The following SPAG9 variants were observed in gnomAD, a reference collection of about 807,000 sequenced individuals.
SPAG9 encodes the protein sperm associated antigen 9, also known as C-Jun-amino-terminal kinase-interacting protein 4.
Under a neutral mutation model 166.5 loss-of-function variants are expected in SPAG9, and 35 were observed. The ratio of observed to expected loss-of-function variants is 0.21; its 90% CI spans 0.16 to 0.28. The LOEUF (loss-of-function observed/expected upper bound fraction) is 0.28, where lower values mean the gene tolerates loss of function less well. SPAG9 is among the 10% of genes least tolerant of loss of function. SPAG9 has a pLI of 1.00. For missense variants in SPAG9, 1,235 were observed against 1,603.3 expected (o/e 0.77, Z 3.92); for synonymous variants, 534 against 565.5 (o/e 0.94, Z 0.79).
intron 8 of SPAG9, 182 bp from the exon 9 acceptor site, chr17:51,014,535 A>T: frequency 2.0e-6 from 1 of 495,472 alleles, no homozygotes; most frequent in Non-Finnish European, 3.5e-6. Context: ...AGCTCCATGG[A>T]AATAGCTGGT....
At chr17:51,091,814 T>C (rs1432187342) in intron 1 of SPAG9, among the ~76,000 whole-genome samples, 6 of 148,916 alleles carry the variant, frequency 4.0e-5, no homozygotes, top group Non-Finnish European at 7.5e-5. Context: ...CTAGACACCG[T>C]TAAAAAAAAA....
chr17:50,988,255 G>A (rs948440412), intron 21 of SPAG9, among the ~76,000 whole-genome samples: 3 of 152,050 alleles, frequency 2.0e-5, no homozygotes, highest in East Asian at 1.9e-4. Flanking sequence ...CATTTATGCC[G>A]GAGGTTGCAA....
At chr17:50,974,201 T>C (rs145832811) in intron 28 of SPAG9, among the ~76,000 whole-genome samples, 1 of 152,330 alleles carries the variant, frequency 6.6e-6, no homozygotes, top group African/African-American at 2.4e-5. Context: ...GGTGGTGCTT[T>C]ATAGCTCCCA....
Position 50,990,542 on chromosome 17 carries a change from A to C in SPAG9, c.2525T>G (p.Ile842Ser). ...TTCTGCAGAACAACCAACCACTGTG[A>C]TGCCTCCTAACAGGCTGTCTGTCTC... ...SAETDSLLGG[I>S]TVVGCSAEGV... Residue 842 changes from isoleucine to serine, a missense_variant, in exon 20 of 30, where the codon ATC (isoleucine) becomes AGC (serine). By Grantham distance (142) the Ile-to-Ser change is moderately radical. Transcript: ENST00000262013. 6.2e-7 allele frequency: 1 copy of C among 1,614,212 alleles called. No homozygotes were observed. Among genetic ancestry groups the C allele is most frequent in the Admixed American group, 1.7e-5 (1 of 60,022 alleles).
intron 1 of SPAG9, among the ~76,000 whole-genome samples, chr17:51,103,342 A>G (rs1441910220): frequency 1.3e-5 from 2 of 152,198 alleles, no homozygotes; most frequent in East Asian, 3.8e-4. Flanking sequence ...GGGCAAGAGG[A>G]CTGTAAGCTG....
intron 18 of SPAG9, 130 bp from the exon 19 acceptor site, chr17:50,994,065 C>T (rs1975854740): frequency 2.3e-6 from 2 of 885,058 alleles, no homozygotes; most frequent in Non-Finnish European, 3.4e-6. Context: ...GGTAAAAATA[C>T]AACCACTGAT....
At chr17:50,966,710 T>C (rs1973389895) in intron 29 of SPAG9, among the ~76,000 whole-genome samples, 1 of 152,212 alleles carries the variant, frequency 6.6e-6, no homozygotes, top group South Asian at 2.1e-4. Context: ...GGCAATTCTG[T>C]GTTCATCCAA....
chr17:51,006,368 G>A, intron 10 of SPAG9, 131 bp from the exon 11 acceptor site: 6 of 825,360 alleles, frequency 7.3e-6, no homozygotes, highest in Non-Finnish European at 1.1e-5. Flanking sequence ...TCTACCCAAT[G>A]TTGTTTGTAG....
intron 2 of SPAG9, among the ~76,000 whole-genome samples, chr17:51,068,951 T>C (rs2047745537): frequency 6.6e-6 from 1 of 152,174 alleles, no homozygotes; most frequent in Admixed American, 6.6e-5. Flanking sequence ...GAAGTAATGT[T>C]AGTGTTTGCA....
chr17:51,077,009 G>GCTAGCTATCTAGCTAGCTAGCTAT (rs1555655257), intron 2 of SPAG9, among the ~76,000 whole-genome samples: 5 of 69,388 alleles, frequency 7.2e-5, no homozygotes, highest in Non-Finnish European at 1.7e-4. Flanking sequence ...TATCTAGCTA[G>GCTAGCTATCTAGCTAGCTAGCTAT]CTAGCTAGCT....
intron 8 of SPAG9, 31 bp downstream of exon 8, chr17:51,020,128 A>C (rs367885022): frequency 1.8e-4 from 247 of 1,380,952 alleles, no homozygotes; most frequent in Non-Finnish European, 2.5e-4. Context: ...TGGGGGGCGC[A>C]GAATATGTCT....
At chr17:51,106,093 C>T (rs1399694596) in intron 1 of SPAG9, among the ~76,000 whole-genome samples, 1 of 132,854 alleles carries the variant, frequency 7.5e-6, no homozygotes, top group African/African-American at 2.8e-5. Flanking sequence ...ACAGCAAGAC[C>T]CCCATCTCTA....
chr17:51,097,246 C>T (rs1464371855), intron 1 of SPAG9, among the ~76,000 whole-genome samples: 2 of 152,226 alleles, frequency 1.3e-5, no homozygotes, highest in South Asian at 4.1e-4. Flanking sequence ...TTTTCATCTA[C>T]ATCCTTTGTA....
intron 2 of SPAG9, among the ~76,000 whole-genome samples, chr17:51,073,236 G>A (rs1255916627): frequency 6.6e-6 from 1 of 151,984 alleles, no homozygotes; most frequent in Non-Finnish European, 1.5e-5. Flanking sequence ...GCTGAGGCAG[G>A]AGAATGGCGT....
At chr17:51,046,688 C>A (rs866080835) in intron 4 of SPAG9, 2 of 1,535,828 alleles carry the variant, frequency 1.3e-6, no homozygotes, top group African/African-American at 2.7e-5. Flanking sequence ...GTGAAACACC[C>A]GAACCAAGGA....
At chr17:51,115,974 CA>C (rs1461195613) in intron 1 of SPAG9, among the ~76,000 whole-genome samples, 2 of 152,198 alleles carry the variant, frequency 1.3e-5, no homozygotes, top group Non-Finnish European at 2.9e-5. Flanking sequence ...AAAAGACCCA[CA>C]GAATCACTAA....
At chr17:51,047,170 T>C (rs558688471) in intron 4 of SPAG9, among the ~76,000 whole-genome samples, 2 of 152,240 alleles carry the variant, frequency 1.3e-5, no homozygotes, top group Non-Finnish European at 2.9e-5. Context: ...GTGCTGCTTA[T>C]ATGGATGGCT....
chr17:51,120,715 C>T lies in SPAG9; in HGVS notation c.-59G>A. On this transcript the variant is annotated 5_prime_UTR_variant, in exon 1 of 30. Coordinates refer to ENST00000262013, the MANE Select transcript of SPAG9 (RefSeq NM_001130528.3). The surrounding 1 kb of genome is among the most constrained non-coding windows in gnomAD (Gnocchi z 4.7). Reference sequence around the variant, plus strand: ...TCGCCGGCAGAGGGGCGGCACCTGCCCGCACGGGACGGACCCGACTCGGGC... The same window carrying T: ...TCGCCGGCAGAGGGGCGGCACCTGCTCGCACGGGACGGACCCGACTCGGGC... 6.9e-7 allele frequency: 1 copy of T among 1,444,314 alleles called. No homozygotes were observed. Among genetic ancestry groups the T allele is most frequent in the Non-Finnish European group, 9.3e-7 (1 of 1,074,866 alleles). 89.5% of individuals were successfully genotyped at this position (1,444,314 alleles called of 1,614,324 possible). A position where few individuals can be genotyped will look rare whatever the true frequency, so the allele number is the denominator to read the frequency against.
intron 24 of SPAG9, among the ~76,000 whole-genome samples, chr17:50,983,584 G>A (rs1974814695): frequency 1.3e-5 from 2 of 152,094 alleles, no homozygotes; most frequent in Admixed American, 6.6e-5. Flanking sequence ...TCTCCCCATC[G>A]TGCTCTTCTG....
Sources: allele counts gnomAD v4.1 joint callset (sites outside exome capture counted in the v4.1 genomes callset), GRCh38; gene constraint gnomAD v4.1.1; non-coding constraint Gnocchi (gnomAD v3.1); transcripts MANE v1.5; gene names NCBI Gene and HGNC (gene_info 2026-07-23, HGNC 2026-07-21).